Variants in CNTLN observed in about 807,000 individuals in gnomAD.
CNTLN encodes centlein, centrosomal protein.
In CNTLN, 212 loss-of-function variants were observed where a neutral mutation model predicts 180.0. The ratio of observed to expected loss-of-function variants is 1.18; its 90% CI spans 1.05 to 1.32. CNTLN has a LOEUF of 1.32. CNTLN is among the 40% of genes most tolerant of loss of function. The pLI is 0.00. For synonymous variants in CNTLN, 722 were observed against 563.1 expected (o/e 1.28, Z -3.99); for missense variants, 2,095 against 1,610.9 (o/e 1.30, Z -5.14).
At chr9:17,238,556 A>C (rs1825295086) in intron 5 of CNTLN, among the ~76,000 whole-genome samples, 1 of 152,142 alleles carries the variant, frequency 6.6e-6, no homozygotes, top group South Asian at 2.1e-4. Context: ...CTTTCTAATA[A>C]GTTTATTTTA....
intron 5 of CNTLN, among the ~76,000 whole-genome samples, chr9:17,237,168 T>A (rs919098260): frequency 6.6e-6 from 1 of 152,084 alleles, no homozygotes; most frequent in African/African-American, 2.4e-5. Context: ...GGCAGTGGTT[T>A]CTTACAATTT....
intron 7 of CNTLN, chr9:17,301,283 A>G: frequency 3.0e-6 from 3 of 985,418 alleles, no homozygotes; most frequent in South Asian, 4.7e-5. Flanking sequence ...GATCTGGGGT[A>G]CATTTTGAAA....
At chr9:17,343,201 G>C in intron 12 of CNTLN, among the ~76,000 whole-genome samples, 1 of 152,142 alleles carries the variant, frequency 6.6e-6, no homozygotes, top group East Asian at 1.9e-4. Context: ...GGCAAAGAAA[G>C]AACATTTATT....
At chr9:17,144,749 T>G (rs1168939591) in intron 2 of CNTLN, among the ~76,000 whole-genome samples, 1 of 151,616 alleles carries the variant, frequency 6.6e-6, no homozygotes, top group Admixed American at 6.6e-5. Flanking sequence ...TTTTGGAGAT[T>G]ACTGCTTTAT....
intron 19 of CNTLN, among the ~76,000 whole-genome samples, chr9:17,461,748 TTATTA>T (rs1831459164): frequency 6.6e-6 from 1 of 151,572 alleles, no homozygotes; most frequent in Non-Finnish European, 1.5e-5. Context: ...CTATTATATT[TTATTA>T]TATTTATATT....
At chr9:17,207,882 T>G (rs574676384) in intron 2 of CNTLN, among the ~76,000 whole-genome samples, 1 of 152,284 alleles carries the variant, frequency 6.6e-6, no homozygotes, top group African/African-American at 2.4e-5. Context: ...TTTAGGTTTT[T>G]CCAAATATAA....
intron 2 of CNTLN, among the ~76,000 whole-genome samples, chr9:17,175,127 C>A (rs948252020): frequency 6.6e-6 from 1 of 152,082 alleles, no homozygotes; most frequent in Admixed American, 6.5e-5. Flanking sequence ...TTTTGTAGAA[C>A]AAAATTTAAA....
intron 8 of CNTLN, among the ~76,000 whole-genome samples, chr9:17,314,071 A>G (rs1383484958): frequency 6.6e-6 from 1 of 152,194 alleles, no homozygotes; most frequent in East Asian, 1.9e-4. Flanking sequence ...TTATATCTAT[A>G]TTATTCAGAT....
chr9:17,501,201 C>T (rs1235673053), intron 25 of CNTLN, among the ~76,000 whole-genome samples: 1 of 152,126 alleles, frequency 6.6e-6, no homozygotes, highest in Non-Finnish European at 1.5e-5. Context: ...CTTATACTTT[C>T]TTTAGTGGTA....
intron 8 of CNTLN, among the ~76,000 whole-genome samples, chr9:17,311,973 G>A (rs1410781538): frequency 1.3e-5 from 2 of 150,888 alleles, no homozygotes; most frequent in African/African-American, 4.9e-5. Context: ...ACAGTATGGT[G>A]TTAGTATAAT....
chr9:17,183,377 G>T (rs1337019629), intron 2 of CNTLN, among the ~76,000 whole-genome samples: 1 of 151,998 alleles, frequency 6.6e-6, no homozygotes, highest in Non-Finnish European at 1.5e-5. Flanking sequence ...AAACCTAGAA[G>T]AAAAGAGTGT....
chr9:17,449,537 C>T (rs1830667583), intron 18 of CNTLN, among the ~76,000 whole-genome samples: 1 of 151,888 alleles, frequency 6.6e-6, no homozygotes, highest in African/African-American at 2.4e-5. Context: ...CTTCTCGTAA[C>T]TTAAACAGAA....
At chr9:17,177,312 G>A (rs1355061479) in intron 2 of CNTLN, among the ~76,000 whole-genome samples, 2 of 152,238 alleles carry the variant, frequency 1.3e-5, no homozygotes, top group Non-Finnish European at 2.9e-5. Context: ...TGGAGGCTGA[G>A]GTAGGAGAAT....
chr9:17,264,373 T>A (rs1252231649), intron 5 of CNTLN, among the ~76,000 whole-genome samples: 2 of 151,640 alleles, frequency 1.3e-5, no homozygotes, highest in Admixed American at 6.6e-5. Context: ...GCGTTATTTC[T>A]GAGGGCTCTG....
chr9:17,199,697 C>T (rs1267049317), intron 2 of CNTLN, among the ~76,000 whole-genome samples: 3 of 151,710 alleles, frequency 2.0e-5, no homozygotes, highest in Admixed American at 6.6e-5. Flanking sequence ...TTGTTTTTTT[C>T]TTGTAAATCT....
intron 2 of CNTLN, among the ~76,000 whole-genome samples, chr9:17,195,741 G>C (rs964747405): frequency 2.0e-5 from 3 of 152,080 alleles, no homozygotes; most frequent in Non-Finnish European, 4.4e-5. Flanking sequence ...ATTAACTTAA[G>C]AGTGGTCTTC....
Position 17,135,301 on chromosome 9 carries a change from TC to T in CNTLN, c.238del (p.Leu80SerfsTer10). 6.2e-7 allele frequency: 1 copy of T among 1,601,006 alleles called. No homozygotes were observed. Among genetic ancestry groups the T allele is most frequent in the Non-Finnish European group, 8.5e-7 (1 of 1,174,742 alleles). ...PGGAAPAHAP[L>X]LSAPMGSRRL... ...GGGGCAGCTCCGGCTCATGCTCCCC[TC>T]CTCAGCGCGCCCATGGGGTCCAGAC... On this transcript the variant is annotated frameshift_variant, in exon 1 of 26. Coordinates refer to ENST00000380647, the MANE Select transcript of CNTLN (RefSeq NM_017738.4). LOFTEE classifies it high-confidence loss of function.
At position 17,384,352 on chromosome 9, in the gene CNTLN, C is replaced by A. The variant is rs146716310; in HGVS notation, c.1988-3810C>A. Among the ~76,000 whole-genome samples the A allele has an allele frequency of 4.3e-3, 645 of 150,798 alleles. 3 individuals carry two copies. The highest frequency in any genetic ancestry group is 0.014 in the African/African-American group (579 of 41,238). On this transcript the variant is annotated intron_variant, in intron 13 of 25. Coordinates refer to ENST00000380647, the MANE Select transcript of CNTLN (RefSeq NM_017738.4). ...CTCTCGTCCTAGAAAAAGATACTTA[C>A]ATCGTCCTGGTAACTTCCTTTTTAG...
At chr9:17,318,718 A>G (rs1819702715) in intron 8 of CNTLN, among the ~76,000 whole-genome samples, 1 of 152,192 alleles carries the variant, frequency 6.6e-6, no homozygotes, top group Non-Finnish European at 1.5e-5. Flanking sequence ...TTAGGGAAGT[A>G]GTAATGAAGA....
Sources: allele counts gnomAD v4.1 joint callset (sites outside exome capture counted in the v4.1 genomes callset), GRCh38; gene constraint gnomAD v4.1.1; transcripts MANE v1.5; gene names NCBI Gene and HGNC (gene_info 2026-07-23, HGNC 2026-07-21).